The following ANO9 variants were observed in gnomAD, a reference collection of about 807,000 sequenced individuals.
ANO9 encodes the protein anoctamin-9.
A neutral mutation model predicts 100.5 loss-of-function variants in ANO9; 80 were observed. The ratio of observed to expected loss-of-function variants is 0.80; its 90% CI spans 0.66 to 0.96. The LOEUF (loss-of-function observed/expected upper bound fraction) is 0.96, where lower values mean the gene tolerates loss of function less well. Among genes scored for constraint, ANO9 ranks in the 40% least tolerant of loss-of-function variants. The pLI, the probability that ANO9 is intolerant of heterozygous loss-of-function variation, is 0.00. For missense variants in ANO9, 1,064 were observed against 1,072.7 expected (o/e 0.99, Z 0.11); for synonymous variants, 473 against 435.6 (o/e 1.09, Z -1.07).
At chr11:419,315 C>G (rs1463350142) in intron 20 of ANO9, 1 of 1,406,364 alleles carries the variant, frequency 7.1e-7, no homozygotes, top group Non-Finnish European at 9.2e-7. Context: ...CGGGAGGGAG[C>G]CGTTCTGGCA....
intron 20 of ANO9, 148 bp from the exon 21 acceptor site, chr11:419,137 C>A: frequency 6.8e-7 from 1 of 1,465,600 alleles, no homozygotes; most frequent in Non-Finnish European, 9.0e-7. Context: ...GGCTCCCGGG[C>A]CAAGCACATC....
chr11:433,424 G>C lies in ANO9; in HGVS notation c.240C>G (p.Ile80Met). The change falls in exon 4 of 23, where the codon ATC becomes ATG. Residue 80 changes from isoleucine to methionine, a missense_variant. Ile to Met is a conservative substitution (Grantham distance 10, BLOSUM62 1). Coordinates refer to ENST00000332826, the MANE Select transcript of ANO9 (RefSeq NM_001012302.3). ...IRDQKQVFFG[I>M]RADNSVFGLY... The stretch of plus-strand genomic sequence containing the variant: ...GGCCAAAGACACTGTTGTCAGCACG[G>C]ATCCCAAAGAAGACCTGTTTCTGGT... The C allele has an allele frequency of 6.2e-7, 1 of 1,613,320 alleles. No homozygotes were observed. Among genetic ancestry groups the C allele is most frequent in the East Asian group, 2.2e-5 (1 of 44,876 alleles).
At chr11:433,683 C>A (rs1468971673) in intron 3 of ANO9, 132 bp downstream of exon 3, 41 of 1,436,498 alleles carry the variant, frequency 2.9e-5, no homozygotes, top group Non-Finnish European at 3.7e-5. Context: ...CCAAGCCTGG[C>A]CCTCCGTGCC....
chr11:420,517 T>C lies in ANO9; in HGVS notation c.1732A>G (p.Ile578Val), dbSNP rs773045960. Residue 578 changes from isoleucine (I) to valine (V), a missense_variant, in exon 19 of 23, where the codon ATC (isoleucine) becomes GTC (valine). By Grantham distance (29) the Ile-to-Val change is conservative. Coordinates refer to ENST00000332826, the MANE Select transcript of ANO9 (RefSeq NM_001012302.3). ...SNLVEIRLDA[I>V]KMVWLQRRLV... ...CGCCGCTGCAACCAGACCATCTTGA[T>C]GGCGTCCAGGCGGATCTCCACGAGG... 3.1e-6 allele frequency: 5 copies of C among 1,605,628 alleles called. No individual in the cohort carries two copies. The highest frequency in any genetic ancestry group is 8.5e-7 in the Non-Finnish European group (1 of 1,179,560).
At position 418,290 on chromosome 11, in the gene ANO9, A is replaced by C. The variant is rs1044944161; in HGVS notation, c.*81T>G. 40 of 1,368,382 alleles carry C rather than the reference A, an allele frequency of 2.9e-5. No homozygotes were observed. The highest frequency in any genetic ancestry group is 2.6e-4 in the Middle Eastern group (1 of 3,842). 84.8% of individuals were successfully genotyped at this position (1,368,382 alleles called of 1,614,324 possible). ...CACAGCCTTCTCACAGCACCCCTCA[A>C]CACGCACAGCGGTGGGCTTGTGGGA... On this transcript the variant is annotated 3_prime_UTR_variant, in exon 23 of 23. Coordinates refer to ENST00000332826, the MANE Select transcript of ANO9 (RefSeq NM_001012302.3).
intron 1 of ANO9, among the ~76,000 whole-genome samples, chr11:439,548 C>T (rs895502122): frequency 2.0e-5 from 3 of 152,250 alleles, no homozygotes; most frequent in South Asian, 4.1e-4. Context: ...GGTCCCACGA[C>T]GCACATCCCC....
At chr11:425,029 GA>G (rs1564911030) in intron 15 of ANO9, among the ~76,000 whole-genome samples, 2 of 126,880 alleles carry the variant, frequency 1.6e-5, no homozygotes, top group African/African-American at 3.0e-5. Flanking sequence ...AGGCGGCGTG[GA>G]GAGACGGGAC....
intron 15 of ANO9, among the ~76,000 whole-genome samples, chr11:424,650 G>A (rs1285639664): frequency 6.6e-6 from 1 of 152,138 alleles, no homozygotes; most frequent in African/African-American, 2.4e-5. Flanking sequence ...ACTCACAGAG[G>A]AGTAAGAGGA....
At chr11:433,172 A>C in intron 4 of ANO9, 142 bp downstream of exon 4, 1 of 1,163,196 alleles carries the variant, frequency 8.6e-7, no homozygotes, top group Admixed American at 3.0e-5. Flanking sequence ...TGGGTCTCAC[A>C]CCTGTGGCCC....
At chr11:419,773 G>C (rs373526343) in intron 19 of ANO9, 44 bp from the exon 20 acceptor site, 4 of 1,600,016 alleles carry the variant, frequency 2.5e-6, no homozygotes, top group Non-Finnish European at 3.4e-6. Flanking sequence ...AGCGTCCCTC[G>C]GCTGGTTCTG....
At chr11:429,891 G>A in intron 9 of ANO9, 73 bp from the exon 10 acceptor site, 1 of 1,326,702 alleles carries the variant, frequency 7.5e-7, no homozygotes, top group South Asian at 1.3e-5. Context: ...CAGGGAGGGA[G>A]GCAGGAAAGC....
At chr11:433,568 G>T in intron 3 of ANO9, 109 bp from the exon 4 acceptor site, 1 of 1,473,426 alleles carries the variant, frequency 6.8e-7, no homozygotes, top group East Asian at 2.4e-5. Flanking sequence ...CCTCTATTCC[G>T]CCTCAGAACC....
chr11:432,145 C>T lies in ANO9; in HGVS notation c.351-91G>A. ...CCCTCTGGTCTGGCCAGGCCCAGGC[C>T]CCTCCCTGTCCTGGCAGAGCCCCCA... On this transcript the variant is annotated intron_variant, in intron 4 of 22. Transcript: ENST00000332826. This position sits in a 1 kb window ranked among gnomAD's most constrained non-coding sequence, Gnocchi z 4.8. 1 of 1,402,668 alleles carries T rather than the reference C, an allele frequency of 7.1e-7. No individual in the cohort carries two copies. The highest frequency in any genetic ancestry group is 9.9e-7 in the Non-Finnish European group (1 of 1,012,788). 86.9% of individuals were successfully genotyped at this position (1,402,668 alleles called of 1,614,324 possible).
At position 419,591 on chromosome 11, in the gene ANO9, G is replaced by C. The variant is rs1214205076; in HGVS notation, c.1925C>G (p.Ser642Cys). ...CACCCTGAGGCCTTACTCGACAGTA[G>C]AGTTGCCTTCTTTCAGGCATGGGCT... Reference protein sequence around the residue: ...RYSPCLKEGNSTVDCLKGYVN... With the variant: ...RYSPCLKEGNCTVDCLKGYVN... The change falls in exon 20 of 23, where the codon TCT (serine) becomes TGT (cysteine). Residue 642 changes from serine (S) to cysteine (C), a missense_variant. Transcript: ENST00000332826. The C allele has an allele frequency of 1.2e-6, 2 of 1,613,288 alleles. No homozygotes were observed. The highest frequency in any genetic ancestry group is 1.7e-6 in the Non-Finnish European group (2 of 1,179,842).
At position 431,718 on chromosome 11, in the gene ANO9, C is replaced by G. The variant is rs1383368850; in HGVS notation, c.515G>C (p.Arg172Pro). 22 of 1,612,424 alleles carry G rather than the reference C, an allele frequency of 1.4e-5. No individual in the cohort carries two copies. The East Asian group carries it at 3.1e-4, about 23-fold the overall frequency. Residue 172 changes from arginine (R) to proline (P), a missense_variant, in exon 7 of 23, where the codon CGG (arginine) becomes CCG (proline). Arg to Pro is a moderately radical substitution (Grantham distance 103). Coordinates refer to ENST00000332826, the MANE Select transcript of ANO9 (RefSeq NM_001012302.3). ...KTWARWRHMF[R>P]EQPVDEIRNY... The stretch of plus-strand genomic sequence containing the variant: ...CCTGATTTCATCAACTGGCTGCTCC[C>G]GGAACATGTGTCTCCACCGCGCCCA...
intron 1 of ANO9, among the ~76,000 whole-genome samples, chr11:441,705 C>G (rs1261108940): frequency 2.6e-5 from 4 of 152,154 alleles, no homozygotes; most frequent in Non-Finnish European, 1.5e-5. Flanking sequence ...CCGCCCGCCT[C>G]CAGCACTTCC....
chr11:428,037 TGGAACAAGCCC>T, intron 15 of ANO9, 40 bp downstream of exon 15: 1 of 1,479,362 alleles, frequency 6.8e-7, no homozygotes, highest in South Asian at 1.2e-5. Flanking sequence ...TTAAAGGCAG[TGGAACAAGCCC>T]TCGTGAGTTG....
At chr11:433,608 C>A in intron 3 of ANO9, 149 bp from the exon 4 acceptor site, 1 of 1,455,030 alleles carries the variant, frequency 6.9e-7, no homozygotes, top group Non-Finnish European at 9.2e-7. Flanking sequence ...TGGCCCAGAG[C>A]CACGGAGCTG....
At chr11:423,130 T>A (rs763278832) in intron 15 of ANO9, among the ~76,000 whole-genome samples, 6 of 152,142 alleles carry the variant, frequency 3.9e-5, no homozygotes, top group Non-Finnish European at 5.9e-5. Context: ...ACCCAGCTAG[T>A]CTCACAGAAT....
Sources: allele counts gnomAD v4.1 joint callset (sites outside exome capture counted in the v4.1 genomes callset), GRCh38; gene constraint gnomAD v4.1.1; non-coding constraint Gnocchi (gnomAD v3.1); transcripts MANE v1.5; gene names NCBI Gene and HGNC (gene_info 2026-07-23, HGNC 2026-07-21).